SH3GL2: variants seen among roughly 807,000 people sequenced by gnomAD.
SH3GL2 encodes endophilin-A1.
Under a neutral mutation model 46.0 loss-of-function variants are expected in SH3GL2, and 24 were observed. That is an observed-to-expected ratio of 0.52 (90% confidence interval 0.38 to 0.73). The LOEUF (loss-of-function observed/expected upper bound fraction) is 0.73. SH3GL2 is among the 30% of genes least tolerant of loss of function. SH3GL2 has a pLI of 0.00. For synonymous variants in SH3GL2, 196 were observed against 147.1 expected, an observed-to-expected ratio of 1.33 and a Z score of -2.40; for missense variants, 413 against 424.2, an observed-to-expected ratio of 0.97 and a Z score of 0.23.
intron 1 of SH3GL2, among the ~76,000 whole-genome samples, chr9:17,730,448 A>C (rs1822144724): frequency 6.6e-6 from 1 of 151,912 alleles, no homozygotes; most frequent in African/African-American, 2.4e-5. Flanking sequence ...AATACACTTT[A>C]TTTCTTTCTC....
intron 1 of SH3GL2, among the ~76,000 whole-genome samples, chr9:17,708,366 T>C (rs1821529468): frequency 6.6e-6 from 1 of 152,060 alleles, no homozygotes; most frequent in Non-Finnish European, 1.5e-5. Context: ...TGATTTTGAC[T>C]CTTAGCATTC....
intron 1 of SH3GL2, among the ~76,000 whole-genome samples, chr9:17,738,982 TTGCGAAGTTGATGCA>T (rs1822444071): frequency 6.6e-6 from 1 of 152,154 alleles, no homozygotes. Context: ...TACTGTAGAC[TTGCGAAGTTGATGCA>T]TGCAACTCAC....
chr9:17,649,363 G>T (rs1819899895), intron 1 of SH3GL2, among the ~76,000 whole-genome samples: 1 of 152,154 alleles, frequency 6.6e-6, no homozygotes, highest in Admixed American at 6.5e-5. Flanking sequence ...CACCATACCT[G>T]CCCTATCGCG....
At chr9:17,682,648 A>G (rs1820802142) in intron 1 of SH3GL2, among the ~76,000 whole-genome samples, 1 of 151,576 alleles carries the variant, frequency 6.6e-6, no homozygotes, top group Non-Finnish European at 1.5e-5. Flanking sequence ...AAACCTGCAT[A>G]TTCTGCGTAT....
chr9:17,679,663 A>G (rs555926233), intron 1 of SH3GL2, among the ~76,000 whole-genome samples: 2 of 152,074 alleles, frequency 1.3e-5, no homozygotes, highest in Admixed American at 6.5e-5. Context: ...TTTCAACACT[A>G]TGTTGAATAG....
intron 1 of SH3GL2, among the ~76,000 whole-genome samples, chr9:17,652,623 C>G (rs936170819): frequency 6.6e-6 from 1 of 152,054 alleles, no homozygotes; most frequent in Non-Finnish European, 1.5e-5. Flanking sequence ...GTGAGTATCC[C>G]TAATCCAAAA....
intron 1 of SH3GL2, among the ~76,000 whole-genome samples, chr9:17,732,716 T>C (rs2118426863): frequency 6.6e-6 from 1 of 152,262 alleles, no homozygotes; most frequent in Non-Finnish European, 1.5e-5. Flanking sequence ...TATGGATTTA[T>C]TATTGAAGGA....
At chr9:17,787,736 A>G (rs3736897) in intron 5 of SH3GL2, among the ~76,000 whole-genome samples, 87,973 of 151,866 alleles carry the variant, frequency 0.58, 26,097 homozygotes, top group East Asian at 0.9. Context: ...TGGCTTCTCT[A>G]TGTTTGATTT....
chr9:17,750,450 C>T (rs572746884), intron 2 of SH3GL2, among the ~76,000 whole-genome samples: 1 of 152,252 alleles, frequency 6.6e-6, no homozygotes, highest in East Asian at 1.9e-4. Flanking sequence ...GCAGTAAAAT[C>T]ATCATGTGTG....
At chr9:17,619,385 AG>A (rs1195956165) in intron 1 of SH3GL2, among the ~76,000 whole-genome samples, 2 of 152,224 alleles carry the variant, frequency 1.3e-5, no homozygotes, top group African/African-American at 4.8e-5. Context: ...CCTATTTAAA[AG>A]AATAGGTGAG....
intron 1 of SH3GL2, among the ~76,000 whole-genome samples, chr9:17,618,449 A>C (rs1819056322): frequency 6.6e-6 from 1 of 152,190 alleles, no homozygotes; most frequent in African/African-American, 2.4e-5. Flanking sequence ...TGGTGCCAGC[A>C]TTTGATAATA....
intron 1 of SH3GL2, among the ~76,000 whole-genome samples, chr9:17,729,397 C>T (rs1822112681): frequency 6.6e-6 from 1 of 152,012 alleles, no homozygotes; most frequent in Non-Finnish European, 1.5e-5. Context: ...CAAAAATTTT[C>T]CCCCATTCCG....
At chr9:17,730,926 A>T (rs1822161328) in intron 1 of SH3GL2, among the ~76,000 whole-genome samples, 1 of 152,138 alleles carries the variant, frequency 6.6e-6, no homozygotes, top group African/African-American at 2.4e-5. Flanking sequence ...ACAGTTTTTT[A>T]AATAAGTGCA....
At chr9:17,715,668 A>G (rs1821735948) in intron 1 of SH3GL2, among the ~76,000 whole-genome samples, 1 of 151,946 alleles carries the variant, frequency 6.6e-6, no homozygotes, top group Non-Finnish European at 1.5e-5. Flanking sequence ...TATACCTCAT[A>G]GTTATGTGTA....
chr9:17,594,300 G>A (rs1036542412), intron 1 of SH3GL2, among the ~76,000 whole-genome samples: 2 of 152,004 alleles, frequency 1.3e-5, no homozygotes, highest in African/African-American at 2.4e-5. Flanking sequence ...TCAAGCCTTC[G>A]CACCATGCTC....
At chr9:17,691,914 G>A (rs1209880918) in intron 1 of SH3GL2, among the ~76,000 whole-genome samples, 1 of 151,992 alleles carries the variant, frequency 6.6e-6, no homozygotes, top group Admixed American at 6.6e-5. Context: ...ATACTGAAAA[G>A]TTTTTTTCAG....
chr9:17,738,587 G>T (rs1408891976), intron 1 of SH3GL2, among the ~76,000 whole-genome samples: 4 of 90,128 alleles, frequency 4.4e-5, no homozygotes, highest in African/African-American at 7.0e-5. Flanking sequence ...GAGAGAGAGA[G>T]AGAGAGAATT....
At chr9:17,778,521 C>G (rs1823709556) in intron 3 of SH3GL2, among the ~76,000 whole-genome samples, 2 of 152,072 alleles carry the variant, frequency 1.3e-5, no homozygotes, top group African/African-American at 4.8e-5. Context: ...AGGACCTTGT[C>G]ACCATTGTTG....
chr9:17,633,140 T>C (rs1819471079), intron 1 of SH3GL2, among the ~76,000 whole-genome samples: 1 of 152,172 alleles, frequency 6.6e-6, no homozygotes, highest in Non-Finnish European at 1.5e-5. Flanking sequence ...ATAGGTCTTG[T>C]TTCTCAAGTG....
Sources: gnomAD v4.1 joint callset for allele counts (sites outside exome capture counted in the v4.1 genomes callset) on GRCh38, gnomAD v4.1.1 for gene constraint, MANE v1.5 for transcripts, NCBI Gene and HGNC (gene_info 2026-07-23, HGNC 2026-07-21) for gene names.